The following HBP1 variants were observed in gnomAD, a reference collection of about 807,000 sequenced individuals.
The protein encoded by HBP1 is HMG-box transcription factor 1, also known as HMG box-containing protein 1.
A neutral mutation model predicts 62.6 loss-of-function variants in HBP1; 20 were observed. That is an observed-to-expected ratio of 0.32 (90% CI 0.22 to 0.46). HBP1 has a LOEUF of 0.46. Ranked by LOEUF, HBP1 falls within the 20% of genes least tolerant of loss-of-function variation. The pLI is 1.00. For missense variants in HBP1, 480 were observed against 611.8 expected (o/e 0.78, Z 2.27); for synonymous variants, 232 against 206.2 (o/e 1.12, Z -1.07).
At chr7:107,171,984 A>G (rs756669164) in intron 1 of HBP1, among the ~76,000 whole-genome samples, 4 of 152,148 alleles carry the variant, frequency 2.6e-5, no homozygotes, top group Non-Finnish European at 5.9e-5. Context: ...GCTGCCAGAT[A>G]CCTGCATATC....
At chr7:107,200,994 T>C (rs1426053498) in intron 10 of HBP1, 2 of 155,910 alleles carry the variant, frequency 1.3e-5, no homozygotes, top group Non-Finnish European at 2.8e-5. Context: ...AATATTTTTA[T>C]AGTAGGAGGG....
chr7:107,197,013 T>TGTAC (rs1373223250), intron 9 of HBP1: 1 of 152,216 alleles, frequency 6.6e-6, no homozygotes, highest in African/African-American at 2.4e-5. Flanking sequence ...AACTATGGAT[T>TGTAC]GTACGGGGAA....
chr7:107,176,632 T>G (rs899135224), intron 1 of HBP1, among the ~76,000 whole-genome samples: 7 of 152,054 alleles, frequency 4.6e-5, no homozygotes, highest in Non-Finnish European at 7.3e-5. Flanking sequence ...GGACAACATT[T>G]TTTTAAGCAT....
At chr7:107,201,314 A>C in intron 10 of HBP1, 100 bp from the exon 11 acceptor site, 1 of 668,842 alleles carries the variant, frequency 1.5e-6, no homozygotes, top group Non-Finnish European at 2.6e-6. Flanking sequence ...GTATTTTCTA[A>C]TAGTAAATTT....
chr7:107,175,929 G>C (rs955695565), intron 1 of HBP1, among the ~76,000 whole-genome samples: 1 of 151,856 alleles, frequency 6.6e-6, no homozygotes, highest in Non-Finnish European at 1.5e-5. Flanking sequence ...TGTTAGCCAG[G>C]ATGGTCTCTA....
At chr7:107,180,132 C>T in intron 2 of HBP1, 70 bp downstream of exon 2, 2 of 881,824 alleles carry the variant, frequency 2.3e-6, no homozygotes, top group Admixed American at 2.0e-5. Context: ...TAGCCCGCTT[C>T]TCCACCAACC....
At position 107,195,921 on chromosome 7, in the gene HBP1, A is replaced by G. The variant is rs1185847173; in HGVS notation, c.1155A>G (p.Gly385=). The part of the protein sequence containing the change: ...RQRRASLSCG[G]PGGQDFARSG... Reference sequence around the variant, plus strand: ...GTCGTGCATCTTTGTCTTGTGGAGGACCTGGTGGTCAAGACTTTGCAAGAT... The same window carrying G: ...GTCGTGCATCTTTGTCTTGTGGAGGGCCTGGTGGTCAAGACTTTGCAAGAT... Residue 385 remains glycine, a synonymous_variant, in exon 9 of 11, where the codon GGA becomes GGG. Coordinates refer to ENST00000222574, the MANE Select transcript of HBP1 (RefSeq NM_012257.4). 7 of 1,613,440 alleles carry G rather than the reference A, an allele frequency of 4.3e-6. No individual in the cohort carries two copies. The highest frequency in any genetic ancestry group is 5.9e-6 in the Non-Finnish European group (7 of 1,179,566).
intron 1 of HBP1, among the ~76,000 whole-genome samples, chr7:107,175,716 CTTT>C (rs1215594002): frequency 4.5e-4 from 62 of 136,494 alleles, no homozygotes; most frequent in Non-Finnish European, 7.4e-4. Context: ...TCCCTCTCTT[CTTT>C]TTTTTTTTTT....
intron 1 of HBP1, among the ~76,000 whole-genome samples, chr7:107,171,172 C>T (rs552750720): frequency 6.8e-6 from 1 of 146,654 alleles, no homozygotes; most frequent in East Asian, 2.0e-4. Flanking sequence ...TGGGTTCAAG[C>T]GATTCTCTTG....
At chr7:107,170,183 G>A in intron 1 of HBP1, 2 of 963,482 alleles carry the variant, frequency 2.1e-6, no homozygotes, top group Non-Finnish European at 2.5e-6. Context: ...TGCCACTGAT[G>A]CCAGGACGAG....
chr7:107,200,930 T>C, intron 10 of HBP1: 1 of 153,112 alleles, frequency 6.5e-6, no homozygotes, highest in East Asian at 1.9e-4. Context: ...AAAAATTACA[T>C]GTGATATAGT....
At chr7:107,175,343 C>G (rs1425851412) in intron 1 of HBP1, among the ~76,000 whole-genome samples, 2 of 152,066 alleles carry the variant, frequency 1.3e-5, no homozygotes, top group East Asian at 3.9e-4. Flanking sequence ...TTTGTAGCAG[C>G]CTGTGAGGTA....
chr7:107,169,005 A>T lies in HBP1; in HGVS notation c.-196A>T, dbSNP rs1796407398. ...GGAGGGGGAAGACGAAGCTTGAAAG[A>T]CTTGGTAATGGCGACGGGTTTGGTA... On this transcript the variant is annotated 5_prime_UTR_variant, in exon 1 of 11. Transcript: ENST00000222574. 1 of 1,288,782 alleles carries T rather than the reference A, an allele frequency of 7.8e-7. No homozygotes were observed. Among genetic ancestry groups the T allele is most frequent in the Non-Finnish European group, 1.0e-6 (1 of 988,448 alleles). The allele number at this position is 1,288,782 out of a possible 1,614,324, so 79.8% of individuals were successfully genotyped here.
intron 1 of HBP1, among the ~76,000 whole-genome samples, chr7:107,177,802 AT>A (rs1796926850): frequency 6.6e-6 from 1 of 152,216 alleles, no homozygotes; most frequent in Non-Finnish European, 1.5e-5. Context: ...AAATGTAAAA[AT>A]ATCTAAGTCT....
chr7:107,193,570 T>A (rs1386966041), intron 8 of HBP1, among the ~76,000 whole-genome samples: 2 of 152,220 alleles, frequency 1.3e-5, no homozygotes, highest in Admixed American at 1.3e-4. Flanking sequence ...GCTACAGGGT[T>A]TATTTAACTT....
chr7:107,182,321 T>C, intron 2 of HBP1, 52 bp from the exon 3 acceptor site: 1 of 963,164 alleles, frequency 1.0e-6, no homozygotes, highest in Non-Finnish European at 1.7e-6. Flanking sequence ...TATAATATTG[T>C]TCCTTGTATT....
At chr7:107,183,235 T>A (rs988742773) in intron 3 of HBP1, among the ~76,000 whole-genome samples, 1 of 152,178 alleles carries the variant, frequency 6.6e-6, no homozygotes, top group Non-Finnish European at 1.5e-5. Context: ...TGGATAAATA[T>A]GACAGTTTAT....
At chr7:107,169,983 C>T in intron 1 of HBP1, 2 of 985,476 alleles carry the variant, frequency 2.0e-6, no homozygotes, top group Non-Finnish European at 1.2e-6. Flanking sequence ...ACAAAACAAA[C>T]CAGGCGAAGT....
chr7:107,186,175 T>C (rs1481987180), intron 4 of HBP1, among the ~76,000 whole-genome samples, 186 bp from the exon 5 acceptor site: 2 of 149,916 alleles, frequency 1.3e-5, no homozygotes, highest in Admixed American at 6.6e-5. Flanking sequence ...TCTTTTTTTT[T>C]TTTTTTTAGC....
Sources: gnomAD v4.1 joint callset for allele counts (sites outside exome capture counted in the v4.1 genomes callset) on GRCh38, gnomAD v4.1.1 for gene constraint, MANE v1.5 for transcripts, NCBI Gene and HGNC (gene_info 2026-07-23, HGNC 2026-07-21) for gene names.